MACROD2: variants seen among roughly 807,000 people sequenced by gnomAD.
MACROD2 encodes the protein mono-ADP ribosylhydrolase 2.
In MACROD2, 36 loss-of-function variants were observed where a neutral mutation model predicts 70.4. The ratio of observed to expected loss-of-function variants is 0.51; its 90% CI spans 0.39 to 0.68. The LOEUF (loss-of-function observed/expected upper bound fraction) is 0.68, where lower values mean the gene tolerates loss of function less well. Among genes scored for constraint, MACROD2 ranks in the 30% least tolerant of loss-of-function variants. The pLI is 0.00. For missense variants in MACROD2, 496 were observed against 538.4 expected, an observed-to-expected ratio of 0.92 and a Z score of 0.78; for synonymous variants, 172 against 178.8, an observed-to-expected ratio of 0.96 and a Z score of 0.30.
chr20:14,619,444 A>AG (rs1341765279), intron 4 of MACROD2, among the ~76,000 whole-genome samples: 8 of 4,324 alleles, frequency 1.9e-3, no homozygotes, highest in South Asian at 0.014. Context: ...GGAGGGAGGG[A>AG]GGAAGGGAAG....
At chr20:14,970,531 GT>G (rs1400656471) in intron 5 of MACROD2, among the ~76,000 whole-genome samples, 1 of 152,056 alleles carries the variant, frequency 6.6e-6, no homozygotes, top group African/African-American at 2.4e-5. Flanking sequence ...TATTTCTTCA[GT>G]TCACCAGAAA....
At chr20:15,550,646 C>T (rs1568885747) in intron 8 of MACROD2, among the ~76,000 whole-genome samples, 1 of 152,220 alleles carries the variant, frequency 6.6e-6, no homozygotes, top group Non-Finnish European at 1.5e-5. Flanking sequence ...AGTTTTCATA[C>T]TATGGTTTTC....
intron 2 of MACROD2, among the ~76,000 whole-genome samples, chr20:14,084,085 A>AAAAAAAAAAAC (rs1555917207): frequency 6.7e-6 from 1 of 148,300 alleles, no homozygotes; most frequent in Admixed American, 6.7e-5. Context: ...AAACAAACAA[A>AAAAAAAAAAAC]AAAAAACCTT....
chr20:15,910,402 G>A (rs1350216438), intron 10 of MACROD2, among the ~76,000 whole-genome samples: 1 of 150,082 alleles, frequency 6.7e-6, no homozygotes. Flanking sequence ...ACATGTGTGT[G>A]TGTGTGTGTG....
rs530443411 is a variant in MACROD2, at chr20:14,764,166, G to A, written c.418+79207G>A. Among the ~76,000 whole-genome samples, 12 of 152,188 alleles carry A rather than the reference G, an allele frequency of 7.9e-5. No individual in the cohort carries two copies. In the South Asian group the frequency reaches 1.2e-3, roughly 16 times the overall value. ...AGATGAGAGGGAAGGAGAAGGAAAA[G>A]GTTGGGATATTCTTTTCCCGCCTTC... On this transcript the variant is annotated intron_variant, in intron 5 of 17. Coordinates refer to ENST00000684519, the MANE Select transcript of MACROD2 (RefSeq NM_001351661.2).
intron 8 of MACROD2, among the ~76,000 whole-genome samples, chr20:15,621,675 G>T (rs2146731081): frequency 6.6e-6 from 1 of 152,228 alleles, no homozygotes; most frequent in South Asian, 2.1e-4. Context: ...TTTGGAATTT[G>T]TCTTTGTCTT....
At chr20:14,240,559 G>A (rs1485436448) in intron 3 of MACROD2, among the ~76,000 whole-genome samples, 3 of 152,140 alleles carry the variant, frequency 2.0e-5, no homozygotes, top group African/African-American at 7.2e-5. Flanking sequence ...TGGAGCTGGA[G>A]TTCAGTATCC....
chr20:16,021,346 T>C (rs1410258325), intron 15 of MACROD2, among the ~76,000 whole-genome samples: 1 of 152,114 alleles, frequency 6.6e-6, no homozygotes, highest in Non-Finnish European at 1.5e-5. Flanking sequence ...GATCCTCCAA[T>C]AAGGAGACAC....
Position 14,057,756 on chromosome 20 carries a change from T to C in MACROD2, c.164-27865T>C, listed in dbSNP as rs554159061. ...AGCATTATTTGTATTAGCCGAAACC[T>C]GGAAACAAAAATGGCCATCAGCAGT... is the stretch of plus-strand genomic sequence containing the variant. On this transcript the variant is annotated intron_variant, in intron 2 of 17. Transcript: ENST00000684519. Among the ~76,000 whole-genome samples, 22 of 152,244 alleles carry C rather than the reference T, an allele frequency of 1.4e-4. No homozygotes were observed. The East Asian group carries it at 3.9e-3, about 27-fold the overall frequency.
At chr20:15,432,087 A>G (rs2046370387) in intron 7 of MACROD2, among the ~76,000 whole-genome samples, 1 of 152,004 alleles carries the variant, frequency 6.6e-6, no homozygotes, top group Admixed American at 6.6e-5. Context: ...ACCATTAATA[A>G]GTCTGTTTTA....
intron 3 of MACROD2, among the ~76,000 whole-genome samples, chr20:14,193,451 A>G (rs1176387378): frequency 6.6e-6 from 1 of 152,212 alleles, no homozygotes; most frequent in African/African-American, 2.4e-5. Context: ...TTCAGCTTAG[A>G]TAGCTCAAAA....
At chr20:14,275,448 A>T (rs547220025) in intron 3 of MACROD2, among the ~76,000 whole-genome samples, 2 of 151,780 alleles carry the variant, frequency 1.3e-5, no homozygotes, top group Non-Finnish European at 2.9e-5. Flanking sequence ...CTGAAACTGG[A>T]TCCCTTCCTT....
chr20:15,235,843 C>G (rs914177113), intron 6 of MACROD2, among the ~76,000 whole-genome samples: 1 of 152,224 alleles, frequency 6.6e-6, no homozygotes, highest in Non-Finnish European at 1.5e-5. Context: ...ATTTCCCAGA[C>G]AACTCTTCAT....
At chr20:15,708,773 C>A (rs1033204938) in intron 8 of MACROD2, among the ~76,000 whole-genome samples, 1 of 151,492 alleles carries the variant, frequency 6.6e-6, no homozygotes. Flanking sequence ...CACCTGTGAT[C>A]CCAGCACTTT....
intron 5 of MACROD2, among the ~76,000 whole-genome samples, chr20:15,113,133 CAG>C (rs2075967889): frequency 6.6e-6 from 1 of 152,142 alleles, no homozygotes; most frequent in Admixed American, 6.5e-5. Context: ...AGTATATGCC[CAG>C]AAGTGGAATT....
At chr20:15,575,702 G>C (rs1390439867) in intron 8 of MACROD2, among the ~76,000 whole-genome samples, 1 of 152,162 alleles carries the variant, frequency 6.6e-6, no homozygotes, top group Non-Finnish European at 1.5e-5. Context: ...TTTCATGGAA[G>C]CATATCATGC....
At chr20:15,453,565 T>G (rs2046673668) in intron 7 of MACROD2, among the ~76,000 whole-genome samples, 1 of 152,184 alleles carries the variant, frequency 6.6e-6, no homozygotes, top group East Asian at 1.9e-4. Flanking sequence ...TCTTATGTGT[T>G]ATTTGTAATT....
intron 4 of MACROD2, among the ~76,000 whole-genome samples, chr20:14,674,599 C>A (rs1278342291): frequency 3.9e-5 from 6 of 152,254 alleles, no homozygotes; most frequent in African/African-American, 1.4e-4. Context: ...GACACCTTAA[C>A]CATCCTCTTT....
intron 5 of MACROD2, among the ~76,000 whole-genome samples, chr20:14,731,401 G>A (rs771367282): frequency 5.9e-5 from 9 of 152,142 alleles, no homozygotes; most frequent in African/African-American, 9.7e-5. Flanking sequence ...CGATCTCTTA[G>A]AAGACCAGGA....
Sources: gnomAD v4.1 joint callset for allele counts (sites outside exome capture counted in the v4.1 genomes callset) on GRCh38, gnomAD v4.1.1 for gene constraint, MANE v1.5 for transcripts, NCBI Gene and HGNC (gene_info 2026-07-23, HGNC 2026-07-21) for gene names.